Variants in CADM2 observed in about 807,000 individuals in gnomAD.
CADM2 encodes cell adhesion molecule 2, also known as immunoglobulin superfamily member 4D.
Under a neutral mutation model 49.8 loss-of-function variants are expected in CADM2, and 12 were observed. The ratio of observed to expected loss-of-function variants is 0.24; its 90% CI spans 0.15 to 0.39. The LOEUF is 0.39. Among genes scored for constraint, CADM2 ranks in the 10% least tolerant of loss-of-function variants. CADM2 has a pLI of 1.00. For synonymous variants in CADM2, 214 were observed against 175.4 expected, an observed-to-expected ratio of 1.22 and a Z score of -1.74; for missense variants, 378 against 492.3, an observed-to-expected ratio of 0.77 and a Z score of 2.20.
Position 85,228,661 on chromosome 3 carries a change from A to G in CADM2, c.61+268993A>G, listed in dbSNP as rs1322336307. Among the ~76,000 whole-genome samples the G allele has an allele frequency of 2.0e-5, 3 of 151,898 alleles. No homozygotes were observed. The East Asian group carries it at 5.9e-4, about 30-fold the overall frequency. On this transcript the variant is annotated intron_variant, in intron 1 of 9. Transcript: ENST00000383699. The stretch of plus-strand genomic sequence containing the variant: ...TCACCTGCAGAAGCTGCTACAGAAC[A>G]TCAACTATTGCTGCCTGATCCTTCC...
intron 1 of CADM2, among the ~76,000 whole-genome samples, chr3:85,041,443 G>A (rs2035437787): frequency 6.6e-6 from 1 of 152,166 alleles, no homozygotes; most frequent in Non-Finnish European, 1.5e-5. Context: ...AAAGACGGAA[G>A]TGGGAGTCCG....
intron 1 of CADM2, among the ~76,000 whole-genome samples, chr3:85,435,557 G>A (rs370228658): frequency 2.6e-5 from 4 of 152,082 alleles, no homozygotes; most frequent in African/African-American, 9.7e-5. Flanking sequence ...GGGTCAAACG[G>A]TATTTCTGGT....
intron 1 of CADM2, among the ~76,000 whole-genome samples, chr3:85,325,811 C>A (rs888796018): frequency 6.6e-6 from 1 of 151,960 alleles, no homozygotes; most frequent in African/African-American, 2.4e-5. Flanking sequence ...CAAATTTCCC[C>A]ATTTAACAAA....
At chr3:85,311,623 G>A (rs900102680) in intron 1 of CADM2, among the ~76,000 whole-genome samples, 9 of 151,926 alleles carry the variant, frequency 5.9e-5, no homozygotes, top group Admixed American at 1.3e-4. Flanking sequence ...TGATCCGCCC[G>A]CCTCGGCCTC....
At position 85,567,294 on chromosome 3, in the gene CADM2, A is replaced by G. The variant is rs565336670; in HGVS notation, c.62-159228A>G. ...CCTGTAGGCGAGCAATGTACAACAT[A>G]CAAACCACAGGCCTTTACTGCCTTA... On this transcript the variant is annotated intron_variant, in intron 1 of 9. Coordinates refer to ENST00000383699, the MANE Select transcript of CADM2 (RefSeq NM_001167675.2). 2.6e-5 allele frequency among the ~76,000 whole-genome samples: 4 copies of G among 152,344 alleles called. No individual in the cohort carries two copies. In the South Asian group the frequency reaches 6.2e-4, roughly 24 times the overall value.
At chr3:85,744,373 C>T (rs2068523912) in intron 2 of CADM2, among the ~76,000 whole-genome samples, 1 of 152,048 alleles carries the variant, frequency 6.6e-6, no homozygotes, top group African/African-American at 2.4e-5. Context: ...TACTTGGATT[C>T]TTTGTAACAC....
At chr3:85,915,171 G>A (rs560397521) in intron 6 of CADM2, among the ~76,000 whole-genome samples, 2 of 152,208 alleles carry the variant, frequency 1.3e-5, no homozygotes, top group East Asian at 3.9e-4. Context: ...GAGCATTTTA[G>A]CCATTAACCA....
At chr3:85,934,630 T>C (rs934875348) in intron 6 of CADM2, among the ~76,000 whole-genome samples, 1 of 152,116 alleles carries the variant, frequency 6.6e-6, no homozygotes, top group Non-Finnish European at 1.5e-5. Flanking sequence ...TACATAATTT[T>C]AAAGTATGAT....
intron 1 of CADM2, among the ~76,000 whole-genome samples, chr3:85,265,040 G>A (rs2043092055): frequency 6.6e-6 from 1 of 151,950 alleles, no homozygotes; most frequent in Non-Finnish European, 1.5e-5. Context: ...CATATGTAAA[G>A]CTCTTAGAAC....
At chr3:84,968,177 T>G (rs2031155329) in intron 1 of CADM2, among the ~76,000 whole-genome samples, 1 of 152,024 alleles carries the variant, frequency 6.6e-6, no homozygotes, top group African/African-American at 2.4e-5. Context: ...CCAGCCCTTC[T>G]GTATACAAAT....
chr3:85,080,813 A>G (rs1375562608), intron 1 of CADM2, among the ~76,000 whole-genome samples: 4 of 152,004 alleles, frequency 2.6e-5, no homozygotes, highest in African/African-American at 9.7e-5. Context: ...AGTTTAAATT[A>G]TTTTTATAAA....
At chr3:85,637,472 G>A (rs1347007185) in intron 1 of CADM2, among the ~76,000 whole-genome samples, 1 of 148,292 alleles carries the variant, frequency 6.7e-6, no homozygotes, top group Non-Finnish European at 1.5e-5. Context: ...CGCGGTGGCG[G>A]GCGCCTGTAG....
intron 1 of CADM2, among the ~76,000 whole-genome samples, chr3:85,542,436 G>C (rs17517238): frequency 0.51 from 77,858 of 151,804 alleles, 23,040 homozygotes; most frequent in East Asian, 0.85. Context: ...AGAACATTGT[G>C]ATGTCATCAT....
chr3:85,850,857 C>T (rs1337338161), intron 3 of CADM2, among the ~76,000 whole-genome samples: 1 of 152,132 alleles, frequency 6.6e-6, no homozygotes, highest in East Asian at 1.9e-4. Flanking sequence ...GGTTGGTTGC[C>T]TGTAAATGGA....
At chr3:85,255,141 A>G (rs1407865942) in intron 1 of CADM2, among the ~76,000 whole-genome samples, 1 of 152,062 alleles carries the variant, frequency 6.6e-6, no homozygotes, top group African/African-American at 2.4e-5. Context: ...TAGCACTAAC[A>G]TGTAACCAAT....
At chr3:86,015,537 A>G (rs1171291928) in intron 8 of CADM2, among the ~76,000 whole-genome samples, 5 of 152,186 alleles carry the variant, frequency 3.3e-5, no homozygotes, top group Non-Finnish European at 7.3e-5. Flanking sequence ...CCTTTGACTA[A>G]TAGGAGTTTT....
At chr3:85,227,823 C>T (rs2042195688) in intron 1 of CADM2, among the ~76,000 whole-genome samples, 1 of 152,162 alleles carries the variant, frequency 6.6e-6, no homozygotes, top group African/African-American at 2.4e-5. Context: ...TCCTGTAAGG[C>T]AGACCTGTTC....
At chr3:85,679,361 T>A (rs947481874) in intron 1 of CADM2, among the ~76,000 whole-genome samples, 1 of 152,072 alleles carries the variant, frequency 6.6e-6, no homozygotes, top group African/African-American at 2.4e-5. Context: ...GGGAATGGAC[T>A]AGAGTGAACT....
chr3:85,994,467 C>T (rs1235896827), intron 8 of CADM2: 3 of 152,184 alleles, frequency 2.0e-5, no homozygotes. Flanking sequence ...TTATAATTTA[C>T]ATGTCCACCG....
Sources: gnomAD v4.1 joint callset for allele counts (sites outside exome capture counted in the v4.1 genomes callset) on GRCh38, gnomAD v4.1.1 for gene constraint, MANE v1.5 for transcripts, NCBI Gene and HGNC (gene_info 2026-07-23, HGNC 2026-07-21) for gene names.